Variants in RORA observed in about 807,000 individuals in gnomAD.
The protein encoded by RORA is RAR related orphan receptor A, also known as nuclear receptor ROR-alpha.
In RORA, 7 loss-of-function variants were observed where a neutral mutation model predicts 69.5. The observed-to-expected ratio is 0.10, with a 90% confidence interval of 0.06 to 0.19. The LOEUF (loss-of-function observed/expected upper bound fraction) is 0.19. Among genes scored for constraint, RORA ranks in the 10% least tolerant of loss-of-function variants. RORA has a pLI of 1.00. For missense variants in RORA, 457 were observed against 663.0 expected, an observed-to-expected ratio of 0.69 and a Z score of 3.41; for synonymous variants, 261 against 240.8, an observed-to-expected ratio of 1.08 and a Z score of -0.78.
chr15:60,844,859 C>T (rs918434022), intron 1 of RORA, among the ~76,000 whole-genome samples: 2 of 152,202 alleles, frequency 1.3e-5, no homozygotes, highest in African/African-American at 4.8e-5. Context: ...AGGAGATGAA[C>T]TATCTGCTCA....
intron 1 of RORA, among the ~76,000 whole-genome samples, chr15:60,742,362 C>CTT (rs141998620): frequency 0.028 from 4,267 of 152,264 alleles, 138 homozygotes; most frequent in African/African-American, 0.074. Context: ...GTAAACTTTT[C>CTT]TTTATCTGAG....
At chr15:60,864,542 T>C (rs1009016047) in intron 1 of RORA, among the ~76,000 whole-genome samples, 1 of 152,162 alleles carries the variant, frequency 6.6e-6, no homozygotes, top group African/African-American at 2.4e-5. Flanking sequence ...AAATGTGATT[T>C]ATTTGTCCCA....
chr15:60,588,131 T>C (rs1326709128), intron 2 of RORA, among the ~76,000 whole-genome samples: 1 of 152,190 alleles, frequency 6.6e-6, no homozygotes, highest in Non-Finnish European at 1.5e-5. Context: ...TACTATCAAA[T>C]GTCAATTCAC....
chr15:61,172,140 CA>C (rs370853273), intron 1 of RORA, among the ~76,000 whole-genome samples: 32 of 148,776 alleles, frequency 2.2e-4, no homozygotes, highest in African/African-American at 7.2e-4. Flanking sequence ...GATGAAGAAA[CA>C]AAAAAAAATG....
At chr15:60,854,592 C>T (rs1014429790) in intron 1 of RORA, among the ~76,000 whole-genome samples, 1 of 152,144 alleles carries the variant, frequency 6.6e-6, no homozygotes, top group African/African-American at 2.4e-5. Flanking sequence ...TGAATATGGC[C>T]TTTAGTAGGT....
chr15:61,126,567 G>A (rs1209987178), intron 1 of RORA, among the ~76,000 whole-genome samples: 1 of 152,144 alleles, frequency 6.6e-6, no homozygotes, highest in African/African-American at 2.4e-5. Flanking sequence ...ATGAAATAAG[G>A]AAACTATCTA....
At chr15:60,569,890 C>G (rs1167411924) in intron 2 of RORA, among the ~76,000 whole-genome samples, 1 of 152,170 alleles carries the variant, frequency 6.6e-6, no homozygotes, top group Admixed American at 6.5e-5. Flanking sequence ...CAGATATTAA[C>G]TGCAGCTAAA....
intron 1 of RORA, among the ~76,000 whole-genome samples, chr15:60,753,830 C>G (rs975024240): frequency 2.0e-5 from 3 of 152,200 alleles, no homozygotes; most frequent in Non-Finnish European, 2.9e-5. Flanking sequence ...TGCTTTAGTC[C>G]AGTGATTACA....
intron 1 of RORA, among the ~76,000 whole-genome samples, chr15:61,135,920 T>C (rs966521531): frequency 1.4e-4 from 22 of 152,184 alleles, no homozygotes; most frequent in African/African-American, 4.6e-4. Flanking sequence ...TAGCTGTATA[T>C]AGGCTAAGAT....
intron 1 of RORA, among the ~76,000 whole-genome samples, chr15:61,168,763 A>C (rs1447087416): frequency 6.6e-6 from 1 of 151,954 alleles, no homozygotes; most frequent in African/African-American, 2.4e-5. Flanking sequence ...GCTTGAAATC[A>C]AAACACCGAG....
At position 60,843,225 on chromosome 15, in the gene RORA, T is replaced by TCCC. The variant is rs534479560; in HGVS notation, c.167-164542_167-164540dup. On this transcript the variant is annotated intron_variant, in intron 1 of 10. Coordinates refer to ENST00000335670, the MANE Select transcript of RORA (RefSeq NM_134261.3). ...GCACAAACATGCACAAATCTCAGAG[T>TCCC]CCCCATGTTAAGCAGAGACGCTCCC... Among the ~76,000 whole-genome samples the TCCC allele has an allele frequency of 4.8e-4, 73 of 151,888 alleles. No individual in the cohort carries two copies. The East Asian group carries it at 0.014, about 29-fold the overall frequency.
At chr15:61,092,896 GC>G (rs1010305874) in intron 1 of RORA, among the ~76,000 whole-genome samples, 7 of 152,148 alleles carry the variant, frequency 4.6e-5, no homozygotes, top group African/African-American at 1.7e-4. Context: ...TCTCCACAGT[GC>G]CTCTCTCCAG....
At chr15:61,051,640 G>A (rs1288847597) in intron 1 of RORA, among the ~76,000 whole-genome samples, 1 of 152,216 alleles carries the variant, frequency 6.6e-6, no homozygotes, top group Non-Finnish European at 1.5e-5. Flanking sequence ...CAGGACAGCT[G>A]TGCCACCTAG....
intron 2 of RORA, among the ~76,000 whole-genome samples, chr15:60,570,542 G>A (rs1186116187): frequency 6.6e-6 from 1 of 152,028 alleles, no homozygotes; most frequent in Admixed American, 6.6e-5. Flanking sequence ...TAGAGACAGT[G>A]TTTCACCATG....
chr15:60,866,910 G>C (rs1316768526), intron 1 of RORA, among the ~76,000 whole-genome samples: 1 of 151,924 alleles, frequency 6.6e-6, no homozygotes. Flanking sequence ...CTGTCATCCA[G>C]GCTGGAGGGC....
At chr15:60,993,627 A>G (rs1299104122) in intron 1 of RORA, among the ~76,000 whole-genome samples, 1 of 124,542 alleles carries the variant, frequency 8.0e-6, no homozygotes, top group Non-Finnish European at 1.6e-5. Context: ...TGGGTGACAG[A>G]GCAAGACTCT....
chr15:61,023,332 G>A (rs2140421047), intron 1 of RORA, among the ~76,000 whole-genome samples: 1 of 152,212 alleles, frequency 6.6e-6, no homozygotes, highest in African/African-American at 2.4e-5. Context: ...CAGAATCATG[G>A]CAGGAGGCAA....
At chr15:60,642,984 C>A (rs1411043209) in intron 2 of RORA, among the ~76,000 whole-genome samples, 1 of 152,034 alleles carries the variant, frequency 6.6e-6, no homozygotes, top group Non-Finnish European at 1.5e-5. Flanking sequence ...TGGCGAAACC[C>A]CACCTCTTTT....
At chr15:60,571,353 A>T (rs2067876596) in intron 2 of RORA, among the ~76,000 whole-genome samples, 1 of 152,014 alleles carries the variant, frequency 6.6e-6, no homozygotes. Context: ...GTAAAGACTA[A>T]ATTAAAGCTC....
Sources: gnomAD v4.1 joint callset for allele counts (sites outside exome capture counted in the v4.1 genomes callset) on GRCh38, gnomAD v4.1.1 for gene constraint, MANE v1.5 for transcripts, NCBI Gene and HGNC (gene_info 2026-07-23, HGNC 2026-07-21) for gene names.